FDFT1: variants seen among roughly 807,000 people sequenced by gnomAD.
The protein encoded by FDFT1 is squalene synthase.
In FDFT1, 68 loss-of-function variants were observed where a neutral mutation model predicts 46.8. The ratio of observed to expected loss-of-function variants is 1.45; its 90% CI spans 1.19 to 1.78. FDFT1 has a LOEUF of 1.78. FDFT1 is among the 40% of genes most tolerant of loss of function. FDFT1 has a pLI of 0.00. For synonymous variants in FDFT1, 351 were observed against 185.1 expected, an observed-to-expected ratio of 1.90 and a Z score of -7.28; for missense variants, 928 against 524.4, an observed-to-expected ratio of 1.77 and a Z score of -7.52.
chr8:11,835,779 T>C (rs549801564), intron 7 of FDFT1, among the ~76,000 whole-genome samples: 2 of 152,220 alleles, frequency 1.3e-5, no homozygotes, highest in South Asian at 2.1e-4. Context: ...GCTGATGTTA[T>C]CATCCTTTAT....
At position 11,816,783 on chromosome 8, in the gene FDFT1, G is replaced by A. The variant is rs189542863; in HGVS notation, c.382-4967G>A. Among the ~76,000 whole-genome samples the A allele has an allele frequency of 3.4e-3, 517 of 152,278 alleles. 4 individuals are homozygous for A. Among genetic ancestry groups the A allele is most frequent in the South Asian group, 9.5e-3 (46 of 4,826 alleles). On this transcript the variant is annotated intron_variant, in intron 3 of 7. Coordinates refer to ENST00000220584, the MANE Select transcript of FDFT1 (RefSeq NM_004462.5). ...GGAGATTTAGGGCTGAGACGATGGG[G>A]TTTTCTAAATATACAATCATGTCAT...
chr8:11,821,366 G>C (rs1563321980), intron 3 of FDFT1, among the ~76,000 whole-genome samples: 1 of 152,270 alleles, frequency 6.6e-6, no homozygotes, highest in Non-Finnish European at 1.5e-5. Flanking sequence ...GCCAGGGCTA[G>C]TGGATCATGA....
At chr8:11,822,049 C>G (rs139471417) in intron 4 of FDFT1, among the ~76,000 whole-genome samples, 171 bp downstream of exon 4, 5 of 152,182 alleles carry the variant, frequency 3.3e-5, no homozygotes, top group African/African-American at 1.2e-4. Context: ...AGAGTTAATT[C>G]CAAACCAGCA....
rs545547539 is a variant in FDFT1 at position 11,821,869 on chromosome 8, G to C, written c.501G>C (p.Glu167Asp). ...ATAAGCATGTGACCTCTGAACAGGA[G>C]TGGGACAAGGTTAGTCTCATAAAAC... ...FLDKHVTSEQEWDKYCHYVAG... is the reference protein window; with the variant it reads ...FLDKHVTSEQDWDKYCHYVAG... Residue 167 changes from glutamate (E) to aspartate (D), a missense_variant, in exon 4 of 8, where the codon GAG becomes GAC. Physicochemically the swap from Glu to Asp is conservative, Grantham distance 45. Coordinates refer to ENST00000220584, the MANE Select transcript of FDFT1 (RefSeq NM_004462.5). 4.8e-5 allele frequency: 78 copies of C among 1,613,034 alleles called. No homozygotes were observed. In the South Asian group the frequency reaches 5.5e-4, roughly 11 times the overall value.
At chr8:11,837,796 C>G (rs995188812) in intron 7 of FDFT1, among the ~76,000 whole-genome samples, 3 of 152,108 alleles carry the variant, frequency 2.0e-5, no homozygotes, top group Non-Finnish European at 4.4e-5. Context: ...GAGAGGCACT[C>G]AGGGCCTAAT....
intron 1 of FDFT1, chr8:11,808,419 G>T: frequency 1.6e-6 from 2 of 1,255,356 alleles, no homozygotes. Flanking sequence ...GGCCCAGCGC[G>T]TATTCGAGTA....
chr8:11,807,027 A>G (rs1477923657), intron 1 of FDFT1, among the ~76,000 whole-genome samples: 1 of 40,258 alleles, frequency 2.5e-5, no homozygotes, highest in East Asian at 1.7e-3. Flanking sequence ...AATATATACA[A>G]ATAAAAACAA....
At chr8:11,824,831 G>A (rs1809745394) in intron 4 of FDFT1, among the ~76,000 whole-genome samples, 1 of 152,130 alleles carries the variant, frequency 6.6e-6, no homozygotes, top group African/African-American at 2.4e-5. Context: ...CACCTCCTGG[G>A]TTCACGCCAT....
At chr8:11,801,770 T>C (rs1013171022), upstream of FDFT1, 4 of 361,816 alleles carry the variant, frequency 1.1e-5, no homozygotes, top group Non-Finnish European at 1.6e-5. Flanking sequence ...CTTGGCTCAC[T>C]GCAAACTCCG....
At chr8:11,821,236 A>C (rs1351420625) in intron 3 of FDFT1, among the ~76,000 whole-genome samples, 5 of 152,224 alleles carry the variant, frequency 3.3e-5, no homozygotes, top group Non-Finnish European at 7.3e-5. Flanking sequence ...TCTTCTTTTG[A>C]ATCTAGAAAC....
At chr8:11,824,131 G>C (rs548253217) in intron 4 of FDFT1, among the ~76,000 whole-genome samples, 2 of 152,204 alleles carry the variant, frequency 1.3e-5, no homozygotes, top group African/African-American at 4.8e-5. Context: ...CCAAAATTCC[G>C]GGATTACAGG....
chr8:11,802,880 G>T lies in FDFT1; in HGVS notation c.48G>T (p.Leu16=). Residue 16 remains leucine (L), a synonymous_variant, in exon 1 of 8, where the codon CTG becomes CTT. Coordinates refer to ENST00000220584, the MANE Select transcript of FDFT1 (RefSeq NM_004462.5). The part of the protein sequence containing the change: ...CLGHPEEFYN[L]VRFRIGGKRK... ...GCCACCCCGAAGAGTTCTACAACCT[G>T]GTGCGCTTCCGGATCGGGGGCAAGC... 6.2e-7 allele frequency: 1 copy of T among 1,612,386 alleles called. No homozygotes were observed. The highest frequency in any genetic ancestry group is 8.5e-7 in the Non-Finnish European group (1 of 1,179,184).
chr8:11,805,597 A>G (rs1015606000), intron 1 of FDFT1, among the ~76,000 whole-genome samples: 16 of 152,346 alleles, frequency 1.1e-4, no homozygotes, highest in East Asian at 7.7e-4. Context: ...ATAGGGATGT[A>G]TGTATGGTAA....
At chr8:11,820,620 T>C (rs1280475188) in intron 3 of FDFT1, among the ~76,000 whole-genome samples, 3 of 152,118 alleles carry the variant, frequency 2.0e-5, no homozygotes, top group Middle Eastern at 3.2e-3. Flanking sequence ...CCCAGCTTGA[T>C]CTCAGACTGC....
At chr8:11,821,956 A>G (rs912773552) in intron 4 of FDFT1, 78 bp downstream of exon 4, 1 of 1,543,084 alleles carries the variant, frequency 6.5e-7, no homozygotes, top group South Asian at 1.1e-5. Context: ...TCAGAACAAG[A>G]AAAGTTGTCC....
exon 1 of FDFT1, chr8:11,795,647 TTGTC>T (rs1172153905): frequency 6.6e-6 from 1 of 151,982 alleles, no homozygotes; most frequent in Admixed American, 6.6e-5. Flanking sequence ...ATTTTAATAC[TTGTC>T]TGTTTCGGTC....
At position 11,839,163 on chromosome 8, in the gene FDFT1, T is replaced by TA. The variant is rs1811983562; in HGVS notation, c.*554_*555insA. ...AAGGCTGGGAATAAAATTCTGGGTA[T>TA]TCTCGTATTCTCATTTAAAGGAGTT... On this transcript the variant is annotated 3_prime_UTR_variant, in exon 8 of 8. Transcript: ENST00000220584. The TA allele has an allele frequency of 6.5e-6, 1 of 154,894 alleles. No individual in the cohort carries two copies. The highest frequency in any genetic ancestry group is 2.4e-5 in the African/African-American group (1 of 41,460). 9.6% of individuals were successfully genotyped at this position (154,894 alleles called of 1,614,324 possible).
At chr8:11,814,602 A>G (rs1432198598) in intron 3 of FDFT1, among the ~76,000 whole-genome samples, 2 of 152,212 alleles carry the variant, frequency 1.3e-5, no homozygotes, top group Non-Finnish European at 2.9e-5. Context: ...CCTATAAACA[A>G]TTCTTTGAAC....
intron 2 of FDFT1, 32 bp from the exon 3 acceptor site, chr8:11,809,635 C>T (rs1289530500): frequency 6.5e-7 from 1 of 1,545,850 alleles, no homozygotes; most frequent in Admixed American, 2.1e-5. Context: ...GCTGTTTGTT[C>T]CAATATATTA....
Sources: gnomAD v4.1 joint callset for allele counts (sites outside exome capture counted in the v4.1 genomes callset) on GRCh38, gnomAD v4.1.1 for gene constraint, MANE v1.5 for transcripts, NCBI Gene and HGNC (gene_info 2026-07-23, HGNC 2026-07-21) for gene names.